SYNE1: variants seen among roughly 807,000 people sequenced by gnomAD.
SYNE1 encodes the protein spectrin repeat containing nuclear envelope protein 1, also known as nesprin-1.
A neutral mutation model predicts 1,111.0 loss-of-function variants in SYNE1; 616 were observed. The ratio of observed to expected loss-of-function variants is 0.55; its 90% CI spans 0.52 to 0.59. The LOEUF is 0.59. SYNE1 is among the 20% of genes least tolerant of loss of function. The pLI is 0.00. For synonymous variants in SYNE1, 3,855 were observed against 3,825.8 expected, an observed-to-expected ratio of 1.01 and a Z score of -0.28; for missense variants, 10,006 against 10,417.0, an observed-to-expected ratio of 0.96 and a Z score of 1.72.
intron 4 of SYNE1, among the ~76,000 whole-genome samples, chr6:152,534,910 C>A (rs1161197050): frequency 1.3e-5 from 2 of 152,162 alleles, no homozygotes; most frequent in African/African-American, 4.8e-5. Context: ...CAAAATGTTC[C>A]TTTTAAAAGA....
intron 135 of SYNE1, 118 bp downstream of exon 135, chr6:152,151,435 C>T: frequency 1.6e-6 from 2 of 1,268,054 alleles, no homozygotes; most frequent in Non-Finnish European, 1.1e-6. Flanking sequence ...AATTTTTTTG[C>T]AGTCCAGAAC....
intron 3 of SYNE1, among the ~76,000 whole-genome samples, chr6:152,553,030 T>C (rs144223409): frequency 1.3e-3 from 197 of 152,342 alleles, no homozygotes; most frequent in African/African-American, 4.4e-3. Context: ...GAAATCTATC[T>C]TCTATTTAGA....
chr6:152,558,178 C>T (rs1005073599), intron 3 of SYNE1, among the ~76,000 whole-genome samples: 3 of 151,602 alleles, frequency 2.0e-5, no homozygotes, highest in Admixed American at 1.3e-4. Context: ...CATGTTACCA[C>T]AAAGAAAAAA....
chr6:152,309,724 T>C, intron 90 of SYNE1, 111 bp downstream of exon 90: 1 of 1,395,414 alleles, frequency 7.2e-7, no homozygotes, highest in South Asian at 1.2e-5. Flanking sequence ...CAACAGCCTG[T>C]CAGATTCAAC....
rs143550751 is a variant in SYNE1, at chr6:152,538,906, C to T, written c.129+1054G>A. 3.2e-3 allele frequency among the ~76,000 whole-genome samples: 486 copies of T among 152,196 alleles called. 2 individuals are homozygous for T. Among genetic ancestry groups the T allele is most frequent in the African/African-American group, 0.011 (469 of 41,542 alleles). Reference sequence around the variant, plus strand: ...TTTCATGGCTGGATTGCAAGCTTCTCGGGGCCTGGGAAAGTGTTTTACTAA... The same window carrying T: ...TTTCATGGCTGGATTGCAAGCTTCTTGGGGCCTGGGAAAGTGTTTTACTAA... On this transcript the variant is annotated intron_variant, in intron 4 of 145. Transcript: ENST00000367255.
Position 152,409,729 on chromosome 6 carries a change from T to C in SYNE1, c.6231-20A>G. On this transcript the variant is annotated intron_variant, in intron 42 of 145. Transcript: ENST00000367255. ...CCCTGACTGTAATGATTAAAGAAAA[T>C]ATATTATTTGGTGTCATGTATCAGG... 6.2e-7 allele frequency: 1 copy of C among 1,612,500 alleles called. No individual in the cohort carries two copies. Among genetic ancestry groups the C allele is most frequent in the East Asian group, 2.2e-5 (1 of 44,794 alleles).
chr6:152,302,432 A>C (rs1305600384), intron 91 of SYNE1, among the ~76,000 whole-genome samples: 1 of 152,242 alleles, frequency 6.6e-6, no homozygotes, highest in African/African-American at 2.4e-5. Context: ...AATTTACCAG[A>C]TGGTTCCTGC....
intron 112 of SYNE1, 132 bp downstream of exon 112, chr6:152,233,649 A>G (rs2083304722): frequency 8.8e-7 from 1 of 1,131,360 alleles, no homozygotes; most frequent in African/African-American, 1.5e-5. Context: ...ATATTAATAC[A>G]ACGGGAGAGA....
intron 2 of SYNE1, among the ~76,000 whole-genome samples, chr6:152,634,608 T>A (rs745928846): frequency 6.6e-6 from 1 of 152,252 alleles, no homozygotes; most frequent in Non-Finnish European, 1.5e-5. Context: ...CAATGCTGTT[T>A]CTTATTCACT....
chr6:152,327,596 A>C (rs536016014), intron 78 of SYNE1, among the ~76,000 whole-genome samples: 1 of 152,328 alleles, frequency 6.6e-6, no homozygotes, highest in East Asian at 1.9e-4. Flanking sequence ...ATGAGCACCA[A>C]TTAGGGAAAG....
intron 95 of SYNE1, among the ~76,000 whole-genome samples, chr6:152,285,010 T>C (rs1284659585): frequency 6.6e-6 from 1 of 152,126 alleles, no homozygotes; most frequent in Non-Finnish European, 1.5e-5. Context: ...AGATTTCAAA[T>C]GCTTTCTAAT....
chr6:152,353,469 A>G (rs752856915), intron 68 of SYNE1, 36 bp from the exon 69 acceptor site: 66 of 1,613,928 alleles, frequency 4.1e-5, no homozygotes, highest in Non-Finnish European at 5.5e-5. Flanking sequence ...TGGTGAAGTA[A>G]AGGCCTGTGC....
intron 42 of SYNE1, among the ~76,000 whole-genome samples, chr6:152,411,394 A>G (rs939046964): frequency 1.3e-5 from 2 of 152,120 alleles, no homozygotes; most frequent in Admixed American, 6.5e-5. Flanking sequence ...AAGTCCTCCA[A>G]TTCTTTTTGA....
At chr6:152,138,626 A>G (rs1254055529) in intron 140 of SYNE1, among the ~76,000 whole-genome samples, 4 of 152,124 alleles carry the variant, frequency 2.6e-5, no homozygotes, top group African/African-American at 9.7e-5. Flanking sequence ...AAAAGCATAT[A>G]CTAAAACCAC....
intron 100 of SYNE1, among the ~76,000 whole-genome samples, chr6:152,265,819 C>T (rs1373641228): frequency 3.3e-5 from 5 of 152,170 alleles, no homozygotes; most frequent in East Asian, 1.9e-4. Flanking sequence ...ATTCCTTACA[C>T]GGCAAATGTG....
At chr6:152,266,926 C>T (rs558000824) in intron 100 of SYNE1, among the ~76,000 whole-genome samples, 1 of 152,220 alleles carries the variant, frequency 6.6e-6, no homozygotes, top group East Asian at 1.9e-4. Context: ...TGTCGTCCAT[C>T]TCTAAAATGT....
intron 3 of SYNE1, among the ~76,000 whole-genome samples, chr6:152,572,719 G>A (rs904620101): frequency 2.0e-5 from 3 of 152,168 alleles, no homozygotes; most frequent in South Asian, 4.1e-4. Context: ...ACTTAAAAAG[G>A]AGAGAGAGCG....
Position 152,316,828 on chromosome 6 carries a change from GATT to G in SYNE1, c.16710+18_16710+20del. On this transcript the variant is annotated intron_variant, in intron 87 of 145. Transcript: ENST00000367255. ...AAATTGCCCTTGGTTACTTTTTAAA[GATT>G]ATTTTTCCTAAGGTTACCTGATGCA... The G allele has an allele frequency of 6.2e-7, 1 of 1,613,780 alleles. No individual in the cohort carries two copies. The highest frequency in any genetic ancestry group is 8.5e-7 in the Non-Finnish European group (1 of 1,179,882).
chr6:152,334,885 G>A (rs893439390), intron 76 of SYNE1, among the ~76,000 whole-genome samples: 6 of 152,124 alleles, frequency 3.9e-5, no homozygotes, highest in East Asian at 1.9e-4. Flanking sequence ...TGGTTTGAAC[G>A]CCTCTGACGG....
Sources: gnomAD v4.1 joint callset for allele counts (sites outside exome capture counted in the v4.1 genomes callset) on GRCh38, gnomAD v4.1.1 for gene constraint, MANE v1.5 for transcripts, NCBI Gene and HGNC (gene_info 2026-07-23, HGNC 2026-07-21) for gene names.